Variants in KAZN observed in about 807,000 individuals in gnomAD.
KAZN encodes the protein kazrin.
KAZN carries 40 observed loss-of-function variants against 87.4 expected under a neutral mutation model. That is an observed-to-expected ratio of 0.46 (90% CI 0.36 to 0.60). The LOEUF (loss-of-function observed/expected upper bound fraction) is 0.60, where lower values mean the gene tolerates loss of function less well. Ranked by LOEUF, KAZN falls within the 20% of genes least tolerant of loss-of-function variation. KAZN has a pLI of 0.00. For synonymous variants in KAZN, 466 were observed against 458.3 expected, an observed-to-expected ratio of 1.02 and a Z score of -0.22; for missense variants, 898 against 1,073.9, an observed-to-expected ratio of 0.84 and a Z score of 2.29.
At chr1:14,089,845 CTTG>C (rs906159253) in intron 1 of KAZN, among the ~76,000 whole-genome samples, 1 of 152,098 alleles carries the variant, frequency 6.6e-6, no homozygotes, top group African/African-American at 2.4e-5. Flanking sequence ...TCAGCATTTG[CTTG>C]GCTGAAAAAG....
At chr1:14,552,813 A>G (rs959861193) in intron 2 of KAZN, among the ~76,000 whole-genome samples, 1 of 152,136 alleles carries the variant, frequency 6.6e-6, no homozygotes, top group African/African-American at 2.4e-5. Context: ...TATATTATCT[A>G]ATTTAGTGCT....
chr1:14,952,637 C>T (rs1335995587), intron 1 of KAZN, among the ~76,000 whole-genome samples: 1 of 137,624 alleles, frequency 7.3e-6, no homozygotes, highest in Non-Finnish European at 1.5e-5. Context: ...ACGGTCCCTC[C>T]AAGCCTGGAC....
At chr1:14,206,600 AT>A (rs1319948080) in intron 2 of KAZN, among the ~76,000 whole-genome samples, 2 of 152,202 alleles carry the variant, frequency 1.3e-5, no homozygotes, top group African/African-American at 4.8e-5. Context: ...TTTAAAAAAA[AT>A]AAAATCTTTT....
intron 1 of KAZN, among the ~76,000 whole-genome samples, chr1:14,103,201 GT>G (rs1032888828): frequency 7.2e-5 from 11 of 152,150 alleles, no homozygotes. Context: ...GATTACAGGT[GT>G]GAGCCACTGT....
At chr1:14,628,411 A>G (rs769327422) in intron 1 of KAZN, among the ~76,000 whole-genome samples, 2 of 152,246 alleles carry the variant, frequency 1.3e-5, no homozygotes, top group Non-Finnish European at 2.9e-5. Context: ...GATAAAGCCC[A>G]ATGTGAGAGA....
chr1:14,386,372 A>G (rs1452248238), intron 2 of KAZN, among the ~76,000 whole-genome samples: 2 of 150,508 alleles, frequency 1.3e-5, no homozygotes, highest in African/African-American at 2.4e-5. Context: ...TTAGCTGGTT[A>G]TTTTGCTCGT....
At chr1:13,894,900 C>A (rs990391857) in intron 1 of KAZN, among the ~76,000 whole-genome samples, 6 of 152,118 alleles carry the variant, frequency 3.9e-5, no homozygotes, top group African/African-American at 1.4e-4. Flanking sequence ...AGAGGCAGCT[C>A]GTGGAGTGGG....
intron 1 of KAZN, among the ~76,000 whole-genome samples, chr1:14,653,684 A>T (rs1293459362): frequency 6.6e-6 from 1 of 152,226 alleles, no homozygotes; most frequent in Non-Finnish European, 1.5e-5. Flanking sequence ...GGATAAAATG[A>T]GTCAAGGCTT....
intron 1 of KAZN, among the ~76,000 whole-genome samples, chr1:14,091,622 A>G (rs1643996679): frequency 6.6e-6 from 1 of 152,244 alleles, no homozygotes; most frequent in African/African-American, 2.4e-5. Flanking sequence ...TGTGAATGTC[A>G]ACATTTTGAT....
At chr1:14,492,729 C>CAT (rs1669732948) in intron 2 of KAZN, among the ~76,000 whole-genome samples, 1 of 15,330 alleles carries the variant, frequency 6.5e-5, no homozygotes, top group Non-Finnish European at 1.4e-4. Context: ...CCACACACAC[C>CAT]ACATACAGCA....
intron 2 of KAZN, among the ~76,000 whole-genome samples, chr1:14,278,047 A>G (rs1652524727): frequency 6.6e-6 from 1 of 150,718 alleles, no homozygotes; most frequent in African/African-American, 2.4e-5. Flanking sequence ...GCAGGTGCCT[A>G]TAATCCCAGC....
At chr1:14,718,824 C>A (rs971106268) in intron 1 of KAZN, among the ~76,000 whole-genome samples, 1 of 152,196 alleles carries the variant, frequency 6.6e-6, no homozygotes, top group East Asian at 1.9e-4. Flanking sequence ...CTTAGGGCTA[C>A]GTGGAGGGCT....
intron 2 of KAZN, among the ~76,000 whole-genome samples, chr1:14,326,739 T>G (rs1656459876): frequency 6.6e-6 from 1 of 152,182 alleles, no homozygotes; most frequent in Non-Finnish European, 1.5e-5. Context: ...TGGTAATCAC[T>G]CTGCCACCTC....
chr1:15,076,195 G>T (rs1008702215), intron 8 of KAZN, among the ~76,000 whole-genome samples: 2 of 152,224 alleles, frequency 1.3e-5, no homozygotes, highest in African/African-American at 4.8e-5. Flanking sequence ...TTGAGGGCCT[G>T]TCCCCAAATG....
intron 1 of KAZN, among the ~76,000 whole-genome samples, chr1:14,868,606 G>A (rs1651794940): frequency 6.6e-6 from 1 of 151,740 alleles, no homozygotes; most frequent in South Asian, 2.1e-4. Flanking sequence ...AGAACATCTG[G>A]GCAGACTTTG....
intron 13 of KAZN, among the ~76,000 whole-genome samples, chr1:15,109,222 CA>C (rs1641401201): frequency 6.6e-6 from 1 of 152,002 alleles, no homozygotes; most frequent in African/African-American, 2.4e-5. Context: ...CGGTCTCTAC[CA>C]AAAATACGAA....
chr1:14,768,672 G>A (rs1279344032), intron 1 of KAZN, among the ~76,000 whole-genome samples: 2 of 152,142 alleles, frequency 1.3e-5, no homozygotes, highest in Admixed American at 1.3e-4. Context: ...GTTTCTTACT[G>A]AACTGTCAAT....
intron 1 of KAZN, among the ~76,000 whole-genome samples, chr1:14,818,192 G>A (rs778483762): frequency 4.6e-5 from 7 of 152,220 alleles, no homozygotes; most frequent in Non-Finnish European, 8.8e-5. Flanking sequence ...AGCTGAAAAT[G>A]CTGGGTACTT....
At chr1:14,991,458 T>C (rs775733430) in intron 2 of KAZN, among the ~76,000 whole-genome samples, 11 of 152,194 alleles carry the variant, frequency 7.2e-5, no homozygotes, top group Non-Finnish European at 1.6e-4. Flanking sequence ...TTTGTCACAG[T>C]GGCCCTGTCA....
Sources: gnomAD v4.1 joint callset for allele counts (sites outside exome capture counted in the v4.1 genomes callset) on GRCh38, gnomAD v4.1.1 for gene constraint, MANE v1.5 for transcripts, NCBI Gene and HGNC (gene_info 2026-07-23, HGNC 2026-07-21) for gene names.